NAB1: variants seen among roughly 807,000 people sequenced by gnomAD.
NAB1 encodes the protein NGFI-A-binding protein 1.
A neutral mutation model predicts 49.9 loss-of-function variants in NAB1; 25 were observed. That is an observed-to-expected ratio of 0.50 (90% confidence interval 0.37 to 0.70). The LOEUF is 0.70. Ranked by LOEUF, NAB1 falls within the 30% of genes least tolerant of loss-of-function variation. The probability of loss-of-function intolerance (pLI) is 0.00; values close to 1 mark genes in which losing one functional copy is unlikely to be tolerated. For missense variants in NAB1, 489 were observed against 575.9 expected (o/e 0.85, Z 1.54); for synonymous variants, 198 against 215.6 (o/e 0.92, Z 0.71).
Position 190,679,859 on chromosome 2 carries a change from T to A in NAB1, c.1006-3879T>A, listed in dbSNP as rs565564292. Among the ~76,000 whole-genome samples, 1 of 152,268 alleles carries A rather than the reference T, an allele frequency of 6.6e-6. No homozygotes were observed. The highest frequency in any genetic ancestry group is 1.9e-4 in the East Asian group (1 of 5,186). ...GATTCTGCTGATGAACTGATAACCC[T>A]CTAATCTGGGTCTCCAGCCTTGATT... On this transcript the variant is annotated intron_variant, in intron 6 of 9. Coordinates refer to ENST00000337386, the MANE Select transcript of NAB1 (RefSeq NM_005966.4). The surrounding 1 kb of genome is among the most constrained non-coding windows in gnomAD (Gnocchi z 5.3).
At position 190,668,242 on chromosome 2, in the gene NAB1, A is replaced by G. The variant is rs181534960; in HGVS notation, c.820-2084A>G. Reference sequence around the variant, plus strand: ...GTATACCCTGTGACCTAACTGGTCTATTTGTAGGAATTTATTGCAAAGAAA... The same window carrying G: ...GTATACCCTGTGACCTAACTGGTCTGTTTGTAGGAATTTATTGCAAAGAAA... On this transcript the variant is annotated intron_variant, in intron 4 of 9. Coordinates refer to ENST00000337386, the MANE Select transcript of NAB1 (RefSeq NM_005966.4). Among the ~76,000 whole-genome samples the G allele has an allele frequency of 1.9e-4, 29 of 152,284 alleles. No individual in the cohort carries two copies. The East Asian group carries it at 5.4e-3, about 28-fold the overall frequency.
At chr2:190,662,583 A>G (rs1387512074) in intron 4 of NAB1, among the ~76,000 whole-genome samples, 5 of 152,330 alleles carry the variant, frequency 3.3e-5, no homozygotes, top group African/African-American at 4.8e-5. Context: ...TGTTGCATCT[A>G]TCATAAGGGG....
In NAB1 at chr2:190,678,873, G is replaced by A. The variant is rs113031532; in HGVS notation, c.1006-4865G>A. Among the ~76,000 whole-genome samples the A allele has an allele frequency of 1.3e-5, 2 of 152,208 alleles. No individual in the cohort carries two copies. Among genetic ancestry groups the A allele is most frequent in the African/African-American group, 2.4e-5 (1 of 41,454 alleles). On this transcript the variant is annotated intron_variant, in intron 6 of 9. Transcript: ENST00000337386. This position sits in a 1 kb window ranked among gnomAD's most constrained non-coding sequence, Gnocchi z 4.9. ...GAAAAAAGGAAAATGCACATGTGGG[G>A]TTGAGAACATCTGCTGTAACAAGTC...
In NAB1 at chr2:190,680,553, GTT is replaced by G. The variant is rs1695285942; in HGVS notation, c.1006-3183_1006-3182del. ...GGAGCGCCTGAGGCATGGCCATCTT[GTT>G]TGACGTTGTATTCCCATATTGAGTA... On this transcript the variant is annotated intron_variant, in intron 6 of 9. Coordinates refer to ENST00000337386, the MANE Select transcript of NAB1 (RefSeq NM_005966.4). The surrounding 1 kb of genome is among the most constrained non-coding windows in gnomAD (Gnocchi z 5.2). Among the ~76,000 whole-genome samples, 1 of 152,190 alleles carries G rather than the reference GTT, an allele frequency of 6.6e-6. No individual in the cohort carries two copies. The highest frequency in any genetic ancestry group is 2.4e-5 in the African/African-American group (1 of 41,454).
chr2:190,678,543 G>A lies in NAB1; in HGVS notation c.1006-5195G>A, dbSNP rs1473305505. ...AAATGACAGCATTCTTGACCCTGTG[G>A]GAGTCAGAGGTGCAAAGCATTCAGA... On this transcript the variant is annotated intron_variant, in intron 6 of 9. Transcript: ENST00000337386. The surrounding 1 kb of genome is among the most constrained non-coding windows in gnomAD (Gnocchi z 4.9). 2.0e-5 allele frequency among the ~76,000 whole-genome samples: 3 copies of A among 152,148 alleles called. No individual in the cohort carries two copies. Among genetic ancestry groups the A allele is most frequent in the Admixed American group, 6.6e-5 (1 of 15,266 alleles).
At chr2:190,688,804 C>CCTTTCTTTTCTTTCCTTT (rs1464395113) in intron 9 of NAB1, among the ~76,000 whole-genome samples, 4 of 150,504 alleles carry the variant, frequency 2.7e-5, no homozygotes, top group African/African-American at 9.8e-5. Flanking sequence ...TCCTTTCTTT[C>CCTTTCTTTTCTTTCCTTT]CTTTCTTTTC....
chr2:190,665,409 C>T (rs1386125661), intron 4 of NAB1, among the ~76,000 whole-genome samples: 1 of 151,258 alleles, frequency 6.6e-6, no homozygotes, highest in African/African-American at 2.4e-5. Context: ...TCTCCTGATT[C>T]TCAAGTTTCG....
At chr2:190,687,964 T>C (rs1452435546) in intron 9 of NAB1, among the ~76,000 whole-genome samples, 1 of 152,232 alleles carries the variant, frequency 6.6e-6, no homozygotes, top group Non-Finnish European at 1.5e-5. Flanking sequence ...TTGGAGGTGA[T>C]ACTCATATTT....
At chr2:190,658,570 T>C (rs1360537995) in intron 3 of NAB1, among the ~76,000 whole-genome samples, 2 of 152,248 alleles carry the variant, frequency 1.3e-5, no homozygotes, top group Non-Finnish European at 2.9e-5. Flanking sequence ...CTACCTCTTC[T>C]TTCTTGATTC....
At chr2:190,668,517 C>T (rs1221084882) in intron 4 of NAB1, among the ~76,000 whole-genome samples, 1 of 152,054 alleles carries the variant, frequency 6.6e-6, no homozygotes, top group Non-Finnish European at 1.5e-5. Flanking sequence ...CTAATGTAAA[C>T]AAGCCACGTC....
chr2:190,650,377 G>A (rs1158580625), intron 2 of NAB1, among the ~76,000 whole-genome samples: 1 of 152,170 alleles, frequency 6.6e-6, no homozygotes, highest in Non-Finnish European at 1.5e-5. Context: ...GCTGAAAGAG[G>A]AATTCTCAGA....
intron 6 of NAB1, among the ~76,000 whole-genome samples, chr2:190,673,525 TGTG>T (rs1559242392): frequency 6.6e-6 from 1 of 152,144 alleles, no homozygotes; most frequent in African/African-American, 2.4e-5. Context: ...AAAAGAAAAC[TGTG>T]GTGACTAGTC....
chr2:190,669,181 A>G lies in NAB1; in HGVS notation c.820-1145A>G, dbSNP rs13384519. On this transcript the variant is annotated intron_variant, in intron 4 of 9. Coordinates refer to ENST00000337386, the MANE Select transcript of NAB1 (RefSeq NM_005966.4). The surrounding 1 kb of genome is among the most constrained non-coding windows in gnomAD (Gnocchi z 4.3). ...TGGATGAGACAGAGTGAGATGGCACACAGTTTAAAACTTATGAATTGTTTA... is the reference window on the plus strand; with the variant it reads ...TGGATGAGACAGAGTGAGATGGCACGCAGTTTAAAACTTATGAATTGTTTA... 1.3e-5 allele frequency among the ~76,000 whole-genome samples: 2 copies of G among 152,164 alleles called. No homozygotes were observed. Among genetic ancestry groups the G allele is most frequent in the Admixed American group, 1.3e-4 (2 of 15,270 alleles).
chr2:190,687,272 G>C lies in NAB1; in HGVS notation c.1330G>C (p.Glu444Gln). The C allele has an allele frequency of 6.2e-7, 1 of 1,600,080 alleles. No individual in the cohort carries two copies. Among genetic ancestry groups the C allele is most frequent in the Non-Finnish European group, 8.5e-7 (1 of 1,175,974 alleles). ...RQPHHFVVDG[E>Q]LSRLYPSEAK... ...ACCCCATCATTTTGTGGTGGATGGGGAGCTGAGCAGACTTTACCCCAGTGA... is the reference window on the plus strand; with the variant it reads ...ACCCCATCATTTTGTGGTGGATGGGCAGCTGAGCAGACTTTACCCCAGTGA... The change falls in exon 9 of 10, where the codon GAG (glutamate) becomes CAG (glutamine). Residue 444 changes from glutamate (E) to glutamine (Q), a missense_variant. This residue lies in a region of NAB1 where 212 missense variants were observed against 199.3 expected (regional missense o/e 1.06). Transcript: ENST00000337386.
In NAB1 at chr2:190,659,221, T is replaced by C. The variant is rs1694092995; in HGVS notation, c.45T>C (p.Tyr15=). The change falls in exon 4 of 10, where the codon TAT becomes TAC. Residue 15 remains tyrosine, a synonymous_variant. Coordinates refer to ENST00000337386, the MANE Select transcript of NAB1 (RefSeq NM_005966.4). The surrounding 1 kb of genome is among the most constrained non-coding windows in gnomAD (Gnocchi z 6.2). The part of the protein sequence containing the change: ...LPRTLGELQL[Y]RILQKANLLS... ...GGACCCTGGGGGAGTTGCAGCTGTATAGAATATTACAAAAAGCCAATCTAC... is the reference window on the plus strand; with the variant it reads ...GGACCCTGGGGGAGTTGCAGCTGTACAGAATATTACAAAAAGCCAATCTAC... 2 of 1,613,750 alleles carry C rather than the reference T, an allele frequency of 1.2e-6. No homozygotes were observed. The highest frequency in any genetic ancestry group is 1.7e-6 in the Non-Finnish European group (2 of 1,179,968).
At chr2:190,665,263 C>A (rs1694455009) in intron 4 of NAB1, among the ~76,000 whole-genome samples, 1 of 150,146 alleles carries the variant, frequency 6.7e-6, no homozygotes, top group Non-Finnish European at 1.5e-5. Context: ...GCGGAGCTTG[C>A]AGTGAGCCAA....
rs1215716877 is a variant in NAB1, at chr2:190,657,430, G to C, written c.-20+1277G>C. On this transcript the variant is annotated intron_variant, in intron 3 of 9. Transcript: ENST00000337386. The surrounding 1 kb of genome is among the most constrained non-coding windows in gnomAD (Gnocchi z 4.4). Reference sequence around the variant, plus strand: ...ATTTATTAAGTAGGAATCTTGTGCAGTGTGTCATATTTGCCTAATCATGGA... The same window carrying C: ...ATTTATTAAGTAGGAATCTTGTGCACTGTGTCATATTTGCCTAATCATGGA... Among the ~76,000 whole-genome samples, 1 of 152,204 alleles carries C rather than the reference G, an allele frequency of 6.6e-6. No individual in the cohort carries two copies. The highest frequency in any genetic ancestry group is 1.5e-5 in the Non-Finnish European group (1 of 68,040).
chr2:190,652,440 T>C lies in NAB1; in HGVS notation c.-197+2458T>C, dbSNP rs1054284909. The stretch of plus-strand genomic sequence containing the variant: ...AGTATTTGCCTATTGTTACTATAGT[T>C]AAATGAATAAATACATAGTTATCAT... On this transcript the variant is annotated intron_variant, in intron 2 of 9. Transcript: ENST00000337386. The surrounding 1 kb of genome is among the most constrained non-coding windows in gnomAD (Gnocchi z 4.2). Among the ~76,000 whole-genome samples, 14 of 152,236 alleles carry C rather than the reference T, an allele frequency of 9.2e-5. No individual in the cohort carries two copies. Among genetic ancestry groups the C allele is most frequent in the African/African-American group, 3.4e-4 (14 of 41,460 alleles).
rs976803894 is a variant in NAB1, at chr2:190,669,863, T to C, written c.820-463T>C. 4.6e-5 allele frequency among the ~76,000 whole-genome samples: 7 copies of C among 152,318 alleles called. No homozygotes were observed. The highest frequency in any genetic ancestry group is 1.3e-4 in the Admixed American group (2 of 15,304). On this transcript the variant is annotated intron_variant, in intron 4 of 9. Transcript: ENST00000337386. The surrounding 1 kb of genome is among the most constrained non-coding windows in gnomAD (Gnocchi z 4.3). ...CTCTGTTTTTTACTAAGTGATTTGA[T>C]AAATGTTTAAAATCATATGGTCTTG...
Sources: allele counts gnomAD v4.1 joint callset (sites outside exome capture counted in the v4.1 genomes callset), GRCh38; gene constraint gnomAD v4.1.1; regional missense constraint gnomAD v4.1.1; non-coding constraint Gnocchi (gnomAD v3.1); transcripts MANE v1.5; gene names NCBI Gene and HGNC (gene_info 2026-07-23, HGNC 2026-07-21).